CCSER1: variants seen among roughly 807,000 people sequenced by gnomAD.
The protein encoded by CCSER1 is serine-rich coiled-coil domain-containing protein 1.
CCSER1 carries 41 observed loss-of-function variants against 82.0 expected under a neutral mutation model. The ratio of observed to expected loss-of-function variants is 0.50; its 90% CI spans 0.39 to 0.65. The LOEUF is 0.65. Among genes scored for constraint, CCSER1 ranks in the 30% least tolerant of loss-of-function variants. The probability of loss-of-function intolerance (pLI) is 0.00; values close to 1 mark genes in which losing one functional copy is unlikely to be tolerated. For synonymous variants in CCSER1, 414 were observed against 383.9 expected, an observed-to-expected ratio of 1.08 and a Z score of -0.92; for missense variants, 1,119 against 1,064.2, an observed-to-expected ratio of 1.05 and a Z score of -0.72.
At chr4:91,501,630 A>G (rs1997498) in intron 10 of CCSER1, among the ~76,000 whole-genome samples, 1 of 151,770 alleles carries the variant, frequency 6.6e-6, no homozygotes, top group Non-Finnish European at 1.5e-5. Flanking sequence ...TCACATACTT[A>G]TCTGCCCTAT....
At chr4:90,685,321 G>C (rs1248762096) in intron 6 of CCSER1, among the ~76,000 whole-genome samples, 1 of 152,006 alleles carries the variant, frequency 6.6e-6, no homozygotes, top group Non-Finnish European at 1.5e-5. Context: ...CTGCCACTCT[G>C]TTTTCTTCTT....
chr4:90,761,561 A>T (rs755115020), intron 7 of CCSER1, among the ~76,000 whole-genome samples: 8 of 152,214 alleles, frequency 5.3e-5, no homozygotes, highest in Non-Finnish European at 1.0e-4. Flanking sequence ...TCAACTATCC[A>T]TATGCCAGTG....
intron 1 of CCSER1, among the ~76,000 whole-genome samples, chr4:90,282,587 A>C (rs1029384740): frequency 3.3e-5 from 5 of 151,838 alleles, no homozygotes; most frequent in Non-Finnish European, 5.9e-5. Flanking sequence ...ATAGAACTAA[A>C]CTTGAGGCTT....
intron 1 of CCSER1, among the ~76,000 whole-genome samples, chr4:90,173,339 C>CAAA (rs147612029): frequency 6.9e-6 from 1 of 145,338 alleles, no homozygotes; most frequent in South Asian, 2.2e-4. Context: ...TGTTTTTTTT[C>CAAA]AAAAAAAAAA....
At chr4:90,752,606 G>C (rs988421994) in intron 7 of CCSER1, among the ~76,000 whole-genome samples, 1 of 152,010 alleles carries the variant, frequency 6.6e-6, no homozygotes, top group African/African-American at 2.4e-5. Flanking sequence ...AAGCGTTCGA[G>C]TTTGATCTGG....
intron 10 of CCSER1, among the ~76,000 whole-genome samples, chr4:91,272,583 C>T (rs1742120251): frequency 6.6e-6 from 1 of 152,164 alleles, no homozygotes; most frequent in South Asian, 2.1e-4. Flanking sequence ...TTTTGCTGTG[C>T]AAAACCTCTT....
At chr4:90,246,678 A>G (rs1721460688) in intron 1 of CCSER1, among the ~76,000 whole-genome samples, 1 of 152,170 alleles carries the variant, frequency 6.6e-6, no homozygotes, top group Non-Finnish European at 1.5e-5. Flanking sequence ...CATACTTTCT[A>G]ATTCCCAACA....
intron 10 of CCSER1, chr4:91,325,179 C>T (rs774494221): frequency 1.8e-5 from 8 of 456,114 alleles, no homozygotes; most frequent in South Asian, 1.2e-4. Flanking sequence ...CTTCTTGTTT[C>T]ACCAGCATAG....
At chr4:90,850,126 T>G (rs1265713481) in intron 8 of CCSER1, among the ~76,000 whole-genome samples, 1 of 152,184 alleles carries the variant, frequency 6.6e-6, no homozygotes, top group Admixed American at 6.5e-5. Flanking sequence ...CAAACCTTGG[T>G]GACCTTCACA....
At chr4:91,436,092 A>T (rs1754631735) in intron 10 of CCSER1, among the ~76,000 whole-genome samples, 1 of 152,244 alleles carries the variant, frequency 6.6e-6, no homozygotes, top group South Asian at 2.1e-4. Context: ...ACATTATATT[A>T]TTAGGTTGGT....
chr4:91,430,162 G>A (rs1457278932), intron 10 of CCSER1, among the ~76,000 whole-genome samples: 1 of 152,004 alleles, frequency 6.6e-6, no homozygotes, highest in Non-Finnish European at 1.5e-5. Context: ...CAGAACATAA[G>A]TATTTTCACA....
At chr4:90,988,484 A>T (rs1467658033) in intron 9 of CCSER1, among the ~76,000 whole-genome samples, 1 of 151,378 alleles carries the variant, frequency 6.6e-6, no homozygotes, top group African/African-American at 2.4e-5. Context: ...ATATCTTTGT[A>T]AAATGTCAGC....
chr4:90,989,477 A>G (rs1439115042), intron 9 of CCSER1, among the ~76,000 whole-genome samples: 1 of 151,806 alleles, frequency 6.6e-6, no homozygotes, highest in African/African-American at 2.4e-5. Flanking sequence ...AGAGCATTAG[A>G]AAAAATAGGT....
intron 10 of CCSER1, among the ~76,000 whole-genome samples, chr4:91,337,384 G>T (rs1747395692): frequency 6.6e-6 from 1 of 152,066 alleles, no homozygotes. Flanking sequence ...TGATACAATG[G>T]CTGTATCAGT....
intron 9 of CCSER1, among the ~76,000 whole-genome samples, chr4:91,081,669 A>T (rs1310474318): frequency 6.6e-6 from 1 of 151,954 alleles, no homozygotes; most frequent in Non-Finnish European, 1.5e-5. Context: ...AAACCCCATC[A>T]TCTGAGCCCA....
At chr4:91,165,342 G>GAACA (rs1731923514) in intron 10 of CCSER1, among the ~76,000 whole-genome samples, 1 of 152,174 alleles carries the variant, frequency 6.6e-6, no homozygotes, top group African/African-American at 2.4e-5. Flanking sequence ...CCAGAGGGGT[G>GAACA]CCTGCCTGTA....
At chr4:90,710,583 GGGAGTCCTTTCCCCATTA>G in intron 6 of CCSER1, among the ~76,000 whole-genome samples, 1 of 152,082 alleles carries the variant, frequency 6.6e-6, no homozygotes, top group Non-Finnish European at 1.5e-5. Flanking sequence ...TTATTAAGTA[GGGAGTCCTTTCCCCATTA>G]CTTGTTTTTG....
intron 5 of CCSER1, among the ~76,000 whole-genome samples, chr4:90,562,770 T>A (rs1354781165): frequency 6.6e-6 from 1 of 151,080 alleles, no homozygotes; most frequent in Non-Finnish European, 1.5e-5. Flanking sequence ...ACTCTTGGAC[T>A]CAAGCAGTCC....
At chr4:90,814,336 G>A (rs759545570) in intron 7 of CCSER1, among the ~76,000 whole-genome samples, 1 of 152,200 alleles carries the variant, frequency 6.6e-6, no homozygotes, top group Non-Finnish European at 1.5e-5. Flanking sequence ...CTCCTGTACG[G>A]TGATGGGAGG....
Sources: allele counts gnomAD v4.1 joint callset (sites outside exome capture counted in the v4.1 genomes callset), GRCh38; gene constraint gnomAD v4.1.1; transcripts MANE v1.5; gene names NCBI Gene and HGNC (gene_info 2026-07-23, HGNC 2026-07-21).